The following KHDRBS2 variants were observed in gnomAD, a reference collection of about 807,000 sequenced individuals.
The protein encoded by KHDRBS2 is KH RNA binding domain containing, signal transduction associated 2, also known as KH domain-containing, RNA-binding, signal transduction-associated protein 2.
In KHDRBS2, 26 loss-of-function variants were observed where a neutral mutation model predicts 44.3. That is an observed-to-expected ratio of 0.59 (90% CI 0.43 to 0.81). KHDRBS2 has a LOEUF of 0.81. KHDRBS2 is among the 40% of genes least tolerant of loss of function. The probability of loss-of-function intolerance (pLI) is 0.00; values close to 1 mark genes in which losing one functional copy is unlikely to be tolerated. For missense variants in KHDRBS2, 476 were observed against 433.1 expected, an observed-to-expected ratio of 1.10 and a Z score of -0.88; for synonymous variants, 194 against 151.1, an observed-to-expected ratio of 1.28 and a Z score of -2.08.
chr6:62,199,937 T>C (rs961535298), intron 1 of KHDRBS2, among the ~76,000 whole-genome samples: 6 of 152,166 alleles, frequency 3.9e-5, no homozygotes, highest in Non-Finnish European at 8.8e-5. Flanking sequence ...GCCACATATC[T>C]ACAACTATCT....
At chr6:61,731,087 A>G (rs1774366737) in intron 7 of KHDRBS2, among the ~76,000 whole-genome samples, 1 of 152,078 alleles carries the variant, frequency 6.6e-6, no homozygotes, top group African/African-American at 2.4e-5. Flanking sequence ...TACACTTTCT[A>G]TCAAGGGTTT....
the KHDRBS2 span, among the ~76,000 whole-genome samples, chr6:61,671,824 C>A: frequency 2.3e-3 from 350 of 151,334 alleles, 2 homozygotes; most frequent in African/African-American, 8.2e-3. Context: ...TTGAAATTGA[C>A]CCTTATTCTT....
At chr6:61,873,284 G>A (rs1274765864) in intron 6 of KHDRBS2, among the ~76,000 whole-genome samples, 2 of 151,772 alleles carry the variant, frequency 1.3e-5, no homozygotes, top group Non-Finnish European at 2.9e-5. Flanking sequence ...ATAGTATCCA[G>A]AACATATAAA....
chr6:62,023,456 CTAAAT>C (rs1228028182), intron 3 of KHDRBS2, among the ~76,000 whole-genome samples: 5 of 151,486 alleles, frequency 3.3e-5, no homozygotes. Flanking sequence ...ATTTTTCATA[CTAAAT>C]TAACATTTTC....
chr6:62,073,060 T>A (rs1216050810), intron 2 of KHDRBS2, among the ~76,000 whole-genome samples: 2 of 152,038 alleles, frequency 1.3e-5, no homozygotes, highest in Admixed American at 6.6e-5. Context: ...TCTTCCTGGT[T>A]TAGTCTTGGG....
chr6:61,809,689 A>C (rs192786613), intron 6 of KHDRBS2, among the ~76,000 whole-genome samples: 24 of 152,252 alleles, frequency 1.6e-4, no homozygotes, highest in Admixed American at 9.2e-4. Context: ...AACCTCAAAA[A>C]CTTATCTGAC....
intron 4 of KHDRBS2, among the ~76,000 whole-genome samples, chr6:61,955,446 ATGTGTATATATACATATG>A (rs1766707302): frequency 1.7e-5 from 1 of 58,782 alleles, no homozygotes; most frequent in African/African-American, 5.1e-5. Flanking sequence ...ATGTATACAT[ATGTGTATATATACATATG>A]TGTATATATA....
chr6:61,901,881 G>A (rs1270741354), intron 4 of KHDRBS2, among the ~76,000 whole-genome samples: 1 of 152,184 alleles, frequency 6.6e-6, no homozygotes. Flanking sequence ...GTATGTCCCT[G>A]CTTCAGACAA....
the KHDRBS2 span, among the ~76,000 whole-genome samples, chr6:61,556,704 T>C: frequency 2.0e-5 from 3 of 152,230 alleles, no homozygotes; most frequent in Admixed American, 6.5e-5. Flanking sequence ...CACAGTGTTT[T>C]TCTTCAAGAT....
At chr6:61,782,738 T>TATATATATAC (rs1554206170) in intron 6 of KHDRBS2, among the ~76,000 whole-genome samples, 4 of 117,880 alleles carry the variant, frequency 3.4e-5, no homozygotes, top group Non-Finnish European at 5.4e-5. Context: ...TATATATATA[T>TATATATATAC]ACACACACAC....
chr6:61,595,340 C>T, the KHDRBS2 span, among the ~76,000 whole-genome samples: 35 of 151,992 alleles, frequency 2.3e-4, no homozygotes, highest in African/African-American at 7.2e-4. Flanking sequence ...AAGAGATGAA[C>T]GAAGATTTAA....
At chr6:61,689,387 C>T (rs369150271) in intron 8 of KHDRBS2, among the ~76,000 whole-genome samples, 1 of 151,942 alleles carries the variant, frequency 6.6e-6, no homozygotes, top group African/African-American at 2.4e-5. Flanking sequence ...TTGTAGCCAG[C>T]CGGTCAGAAG....
At chr6:62,246,827 AT>A (rs1224233887) in intron 1 of KHDRBS2, among the ~76,000 whole-genome samples, 2 of 152,018 alleles carry the variant, frequency 1.3e-5, no homozygotes, top group Non-Finnish European at 2.9e-5. Context: ...TATAAATATA[AT>A]TTTTTAAAAG....
chr6:61,571,751 C>G, the KHDRBS2 span, among the ~76,000 whole-genome samples: 1 of 151,908 alleles, frequency 6.6e-6, no homozygotes. Flanking sequence ...GAAATTAACC[C>G]CAAAAGGAAC....
chr6:61,961,966 T>A (rs1768837743), intron 4 of KHDRBS2, among the ~76,000 whole-genome samples: 1 of 107,046 alleles, frequency 9.3e-6, no homozygotes, highest in African/African-American at 3.7e-5. Flanking sequence ...CAATAGCATA[T>A]TTTATGTGGA....
rs918810328 is a variant in KHDRBS2, at chr6:61,929,148, T to A, written c.484-27777A>T. Among the ~76,000 whole-genome samples the A allele has an allele frequency of 2.0e-5, 3 of 152,092 alleles. 1 individual carries two copies. Among genetic ancestry groups the A allele is most frequent in the African/African-American group, 7.2e-5 (3 of 41,396 alleles). ...TGAATATAATGTAGGTTTGCTCCTGTGTGGTTATAAAAGTCACCAGAAAAC... is the reference window on the plus strand; with the variant it reads ...TGAATATAATGTAGGTTTGCTCCTGAGTGGTTATAAAAGTCACCAGAAAAC... On this transcript the variant is annotated intron_variant, in intron 4 of 8. Transcript: ENST00000281156.
the KHDRBS2 span, among the ~76,000 whole-genome samples, chr6:61,551,210 G>A: frequency 1.4e-4 from 22 of 152,044 alleles, no homozygotes; most frequent in African/African-American, 5.1e-4. Flanking sequence ...TTTCAATGGG[G>A]TTGATTGTTT....
intron 6 of KHDRBS2, among the ~76,000 whole-genome samples, chr6:61,768,874 T>C (rs1188239886): frequency 6.6e-6 from 1 of 152,154 alleles, no homozygotes; most frequent in Non-Finnish European, 1.5e-5. Context: ...TGTTCCTGCA[T>C]AGAGAACAAT....
In KHDRBS2 at chr6:61,806,361, C is replaced by T. The variant is rs574852371; in HGVS notation, c.811-73597G>A. The stretch of plus-strand genomic sequence containing the variant: ...CAAAGCAGCCCATAGGAAAGGGCTA[C>T]GTAGTGAGGTCCTGAGAATACATAA... On this transcript the variant is annotated intron_variant, in intron 6 of 8. Coordinates refer to ENST00000281156, the MANE Select transcript of KHDRBS2 (RefSeq NM_152688.4). 1.3e-4 allele frequency among the ~76,000 whole-genome samples: 20 copies of T among 152,170 alleles called. 1 individual carries two copies. The South Asian group carries it at 1.9e-3, about 14-fold the overall frequency.
Sources: gnomAD v4.1 joint callset for allele counts (sites outside exome capture counted in the v4.1 genomes callset) on GRCh38, gnomAD v4.1.1 for gene constraint, MANE v1.5 for transcripts, NCBI Gene and HGNC (gene_info 2026-07-23, HGNC 2026-07-21) for gene names.